ZNF280D: variants seen among roughly 807,000 people sequenced by gnomAD.
ZNF280D encodes the protein zinc finger protein 280D, also known as suppressor of hairy wing homolog 4.
Under a neutral mutation model 94.7 loss-of-function variants are expected in ZNF280D, and 39 were observed. The ratio of observed to expected loss-of-function variants is 0.41; its 90% CI spans 0.32 to 0.54. ZNF280D has a LOEUF of 0.54. ZNF280D is among the 20% of genes least tolerant of loss of function. ZNF280D has a pLI of 0.22. For synonymous variants in ZNF280D, 398 were observed against 377.6 expected (o/e 1.05, Z -0.63); for missense variants, 1,090 against 1,149.3 (o/e 0.95, Z 0.75).
intron 17 of ZNF280D, among the ~76,000 whole-genome samples, chr15:56,656,079 A>T (rs1264175097): frequency 6.6e-6 from 1 of 152,170 alleles, no homozygotes; most frequent in African/African-American, 2.4e-5. Context: ...TCTCTGAAAT[A>T]AGTCTCATTG....
chr15:56,657,501 G>T (rs1410608501), intron 17 of ZNF280D, among the ~76,000 whole-genome samples: 1 of 151,906 alleles, frequency 6.6e-6, no homozygotes, highest in Non-Finnish European at 1.5e-5. Flanking sequence ...GTTTCCTCTG[G>T]ACACCACCTT....
intron 19 of ZNF280D, among the ~76,000 whole-genome samples, chr15:56,643,390 C>T (rs890052749): frequency 6.6e-5 from 10 of 151,326 alleles, no homozygotes; most frequent in African/African-American, 2.2e-4. Context: ...TCAGTATTTA[C>T]GATTACAGGA....
intron 16 of ZNF280D, among the ~76,000 whole-genome samples, chr15:56,664,500 T>G (rs999161237): frequency 6.6e-6 from 1 of 152,156 alleles, no homozygotes; most frequent in African/African-American, 2.4e-5. Flanking sequence ...GTTAGATTTT[T>G]AAGATTAATG....
chr15:56,702,390 C>T (rs543408759), intron 4 of ZNF280D, among the ~76,000 whole-genome samples: 1 of 152,272 alleles, frequency 6.6e-6, no homozygotes, highest in African/African-American at 2.4e-5. Flanking sequence ...CATATGTTAA[C>T]ATATTTTATG....
rs2054630695 is a variant in ZNF280D, at chr15:56,669,911, ATATTATATATATAT to A, written c.1411-968_1411-955del. On this transcript the variant is annotated intron_variant, in intron 13 of 21. Coordinates refer to ENST00000267807, the MANE Select transcript of ZNF280D (RefSeq NM_017661.4). ...TATTATATATATATATAATATATAT[ATATTATATATATAT>A]TATATATATATTATATATATATATT... Among the ~76,000 whole-genome samples the A allele has an allele frequency of 2.9e-4, 2 of 6,944 alleles. 1 individual carries two copies. The highest frequency in any genetic ancestry group is 8.5e-4 in the African/African-American group (2 of 2,342). 4.6% of individuals were successfully genotyped at this position (6,944 alleles called of 152,430 possible).
At chr15:56,678,007 CTTTTTTTTTT>C (rs1198357496) in intron 11 of ZNF280D, among the ~76,000 whole-genome samples, 1 of 137,198 alleles carries the variant, frequency 7.3e-6, no homozygotes, top group Non-Finnish European at 1.6e-5. Context: ...AATTTTCTTT[CTTTTTTTTTT>C]TTTTTTTGGA....
chr15:56,717,867 C>T (rs1161586843), intron 1 of ZNF280D, among the ~76,000 whole-genome samples: 1 of 152,102 alleles, frequency 6.6e-6, no homozygotes, highest in African/African-American at 2.4e-5. Flanking sequence ...TACCAAATTA[C>T]AGGGAGGCAG....
intron 13 of ZNF280D, among the ~76,000 whole-genome samples, chr15:56,673,552 T>C (rs1273934142): frequency 6.6e-6 from 1 of 152,064 alleles, no homozygotes; most frequent in Non-Finnish European, 1.5e-5. Context: ...TTCTTCTCTA[T>C]GGACTTTTCT....
intron 20 of ZNF280D, among the ~76,000 whole-genome samples, chr15:56,639,918 C>A (rs1190064147): frequency 6.6e-6 from 1 of 151,660 alleles, no homozygotes; most frequent in Non-Finnish European, 1.5e-5. Context: ...TAAGTTGAGG[C>A]GGGGAGTCTG....
intron 16 of ZNF280D, among the ~76,000 whole-genome samples, chr15:56,660,922 A>G (rs1467798508): frequency 6.6e-6 from 1 of 151,890 alleles, no homozygotes; most frequent in Non-Finnish European, 1.5e-5. Context: ...CTAGAGGCCG[A>G]TGATACAACA....
At chr15:56,695,263 G>A (rs556127711) in intron 6 of ZNF280D, among the ~76,000 whole-genome samples, 24 of 152,080 alleles carry the variant, frequency 1.6e-4, no homozygotes, top group Admixed American at 1.5e-3. Context: ...AGTAGAGACA[G>A]GGTTTCATCA....
intron 16 of ZNF280D, among the ~76,000 whole-genome samples, chr15:56,662,907 C>G (rs1288377261): frequency 1.3e-5 from 2 of 150,006 alleles, no homozygotes; most frequent in East Asian, 3.9e-4. Flanking sequence ...TGATCAGACA[C>G]TTGAAAAAAG....
At chr15:56,654,042 T>C (rs2053372490) in intron 19 of ZNF280D, 156 bp downstream of exon 19, 14 of 1,485,714 alleles carry the variant, frequency 9.4e-6, no homozygotes, top group South Asian at 4.4e-5. Flanking sequence ...ACGAGCTCCA[T>C]AGAGCAGGAA....
chr15:56,670,540 C>T (rs928014774), intron 13 of ZNF280D, among the ~76,000 whole-genome samples: 13 of 152,108 alleles, frequency 8.5e-5, no homozygotes, highest in African/African-American at 2.7e-4. Context: ...TCTTTGGCTG[C>T]ATAGTATTCC....
rs200213562 is a variant in ZNF280D at position 56,650,787 on chromosome 15, GAT to G, written c.2213+3409_2213+3410del. ...TTGTTATAATTCATCCATCCAGGTA[GAT>G]ATACAAGAAAACAGAGGAGGGGAGA... is the stretch of plus-strand genomic sequence containing the variant. On this transcript the variant is annotated intron_variant, in intron 19 of 21. Coordinates refer to ENST00000267807, the MANE Select transcript of ZNF280D (RefSeq NM_017661.4). Among the ~76,000 whole-genome samples, 148 of 152,164 alleles carry G rather than the reference GAT, an allele frequency of 9.7e-4. 3 individuals carry two copies. In the East Asian group the frequency reaches 0.027, roughly 28 times the overall value.
rs769493939 is a variant in ZNF280D at position 56,689,360 on chromosome 15, C to A, written c.610G>T (p.Ala204Ser). The A allele has an allele frequency of 1.2e-6, 2 of 1,609,848 alleles. No individual in the cohort carries two copies. The highest frequency in any genetic ancestry group is 1.7e-5 in the Admixed American group (1 of 59,556). ...SESVSGANSS[A>S]VLPSVKSPSV... ...GGAGATTTAACTGAAGGTAATACAG[C>A]TGAGGAATTTGCTCCAGAAACACTT... is the stretch of plus-strand genomic sequence containing the variant. The change falls in exon 8 of 22, where the codon GCT becomes TCT. Residue 204 changes from alanine to serine, a missense_variant. Ala to Ser is a moderately conservative substitution (Grantham distance 99). Coordinates refer to ENST00000267807, the MANE Select transcript of ZNF280D (RefSeq NM_017661.4).
chr15:56,706,547 C>T (rs2057414990), intron 3 of ZNF280D, among the ~76,000 whole-genome samples: 1 of 151,936 alleles, frequency 6.6e-6, no homozygotes, highest in Non-Finnish European at 1.5e-5. Context: ...AGGCCTCAAA[C>T]CCTTCCCATA....
chr15:56,725,119 C>T (rs1033104745), intron 1 of ZNF280D: 16 of 254,646 alleles, frequency 6.3e-5, no homozygotes, highest in African/African-American at 3.6e-4. Context: ...AAAGGTAACC[C>T]ACAAAATAAG....
chr15:56,673,871 A>T (rs1459978242), intron 13 of ZNF280D, among the ~76,000 whole-genome samples: 4 of 151,846 alleles, frequency 2.6e-5, no homozygotes, highest in African/African-American at 9.7e-5. Context: ...ATGTTTGAAC[A>T]TTCTTTATAC....
Sources: allele counts gnomAD v4.1 joint callset (sites outside exome capture counted in the v4.1 genomes callset), GRCh38; gene constraint gnomAD v4.1.1; transcripts MANE v1.5; gene names NCBI Gene and HGNC (gene_info 2026-07-23, HGNC 2026-07-21).